The following KIF17 variants were observed in gnomAD, a reference collection of about 807,000 sequenced individuals.
KIF17 encodes the protein kinesin family member 17, also known as kinesin-like protein KIF17.
KIF17 carries 80 observed loss-of-function variants against 96.8 expected under a neutral mutation model. The ratio of observed to expected loss-of-function variants is 0.83; its 90% confidence interval spans 0.69 to 1.00. The LOEUF (loss-of-function observed/expected upper bound fraction) is 1.00, where lower values mean the gene tolerates loss of function less well. Ranked by LOEUF, KIF17 falls within the 50% of genes least tolerant of loss-of-function variation. The pLI is 0.00. For synonymous variants in KIF17, 567 were observed against 587.5 expected (o/e 0.97, Z 0.51); for missense variants, 1,280 against 1,372.9 (o/e 0.93, Z 1.07).
intron 13 of KIF17, among the ~76,000 whole-genome samples, chr1:20,668,920 G>A (rs754529618): frequency 4.6e-5 from 7 of 152,030 alleles, no homozygotes; most frequent in Non-Finnish European, 1.0e-4. Flanking sequence ...CCCTTGTTTT[G>A]AACAAAACTC....
chr1:20,691,454 G>A (rs1048503033), intron 6 of KIF17, among the ~76,000 whole-genome samples: 5 of 150,434 alleles, frequency 3.3e-5, no homozygotes, highest in African/African-American at 1.2e-4. Context: ...GCCTCTCAGT[G>A]CTTCTTTTTT....
intron 11 of KIF17, among the ~76,000 whole-genome samples, chr1:20,673,533 A>ATTTTTT (rs35306944): frequency 3.7e-5 from 5 of 134,786 alleles, no homozygotes; most frequent in East Asian, 2.3e-4. Context: ...AGCCTGCTCC[A>ATTTTTT]TTTTTTTTTT....
At chr1:20,701,680 T>C (rs1557600013) in intron 5 of KIF17, among the ~76,000 whole-genome samples, 1 of 151,976 alleles carries the variant, frequency 6.6e-6, no homozygotes, top group South Asian at 2.1e-4. Flanking sequence ...GCAGAGGGCA[T>C]GTAGGAAGCA....
intron 4 of KIF17, among the ~76,000 whole-genome samples, chr1:20,708,596 T>A (rs2054383179): frequency 6.6e-6 from 1 of 152,172 alleles, no homozygotes; most frequent in Non-Finnish European, 1.5e-5. Flanking sequence ...GCAGCATTCA[T>A]GGGAAAACCC....
Position 20,700,714 on chromosome 1 carries a change from A to G in KIF17, c.1124-2226T>C, listed in dbSNP as rs983879772. 6.6e-6 allele frequency among the ~76,000 whole-genome samples: 1 copy of G among 152,188 alleles called. No individual in the cohort carries two copies. The highest frequency in any genetic ancestry group is 2.4e-5 in the African/African-American group (1 of 41,436). On this transcript the variant is annotated intron_variant, in intron 5 of 14. Coordinates refer to ENST00000400463, the MANE Select transcript of KIF17 (RefSeq NM_001122819.3). The surrounding 1 kb of genome is among the most constrained non-coding windows in gnomAD (Gnocchi z 4.6). ...GTTAGACTGCCCTTCAGGGCGAGCG[A>G]ATTCCTAGAAACCGTAAACCACGAG...
chr1:20,677,146 AG>A (rs1484097414), intron 11 of KIF17, among the ~76,000 whole-genome samples: 4 of 152,078 alleles, frequency 2.6e-5, no homozygotes, highest in Admixed American at 6.5e-5. Flanking sequence ...AGGAGGTTGA[AG>A]TTGCAGTGAG....
chr1:20,672,320 C>A lies in KIF17; in HGVS notation c.2464-124G>T. ...TCTGTTCATTGGCCTGATCAGCCAT[C>A]CATTCTCATCCCCACCATCCATCCA... On this transcript the variant is annotated intron_variant, in intron 11 of 14. Transcript: ENST00000400463. The surrounding 1 kb of genome is among the most constrained non-coding windows in gnomAD (Gnocchi z 4.3). The A allele has an allele frequency of 1.7e-6, 2 of 1,196,250 alleles. No individual in the cohort carries two copies. The highest frequency in any genetic ancestry group is 5.1e-5 in the East Asian group (2 of 39,312). The allele number at this position is 1,196,250 out of a possible 1,614,324, so 74.1% of individuals were successfully genotyped here. A position where few individuals can be genotyped will look rare whatever the true frequency, so the allele number is the denominator to read the frequency against.
chr1:20,679,780 C>G (rs1256081807), intron 11 of KIF17, among the ~76,000 whole-genome samples: 1 of 152,178 alleles, frequency 6.6e-6, no homozygotes, highest in African/African-American at 2.4e-5. Context: ...TGAGTGTGGA[C>G]AAGGATTCTT....
At chr1:20,695,669 C>T (rs2154536619) in intron 6 of KIF17, among the ~76,000 whole-genome samples, 1 of 152,174 alleles carries the variant, frequency 6.6e-6, no homozygotes, top group Non-Finnish European at 1.5e-5. Flanking sequence ...TTCCCACCCA[C>T]CTGGAGATCT....
Position 20,679,478 on chromosome 1 carries a change from T to A in KIF17, c.2463+3175A>T, listed in dbSNP as rs139864168. Among the ~76,000 whole-genome samples the A allele has an allele frequency of 1.3e-3, 198 of 151,870 alleles. 1 individual carries two copies. Among genetic ancestry groups the A allele is most frequent in the African/African-American group, 4.6e-3 (190 of 41,344 alleles). ...CTGGGCGACAGAGTGAGACCCTATCTCAAAATAAAATGAAAAATAAAAATA... is the reference window on the plus strand; with the variant it reads ...CTGGGCGACAGAGTGAGACCCTATCACAAAATAAAATGAAAAATAAAAATA... On this transcript the variant is annotated intron_variant, in intron 11 of 14. Transcript: ENST00000400463.
At chr1:20,712,823 G>GATA (rs535630989) in intron 3 of KIF17, among the ~76,000 whole-genome samples, 2 of 28,914 alleles carry the variant, frequency 6.9e-5, no homozygotes, top group African/African-American at 2.4e-4. Flanking sequence ...ATATAATATA[G>GATA]ATATTATCTA....
rs768090350 is a variant in KIF17 at position 20,671,971 on chromosome 1, G to A, written c.2689C>T (p.His897Tyr). The A allele has an allele frequency of 1.9e-6, 3 of 1,613,996 alleles. No homozygotes were observed. The highest frequency in any genetic ancestry group is 2.2e-5 in the East Asian group (1 of 44,884). ...AGGCTGGTTTTTGTGATGACGGGAT[G>A]TGGGATCTTCCAGAAGCCGTTATCT... Reference protein sequence around the residue: ...DEDNGFWKIPHPVITKTSLPV... With the variant: ...DEDNGFWKIPYPVITKTSLPV... Residue 897 changes from histidine to tyrosine, a missense_variant, in exon 12 of 15, where the codon CAT becomes TAT. By Grantham distance (83) the His-to-Tyr change is moderately conservative (BLOSUM62 2). Transcript: ENST00000400463.
rs71585778 is a variant in KIF17 at position 20,669,537 on chromosome 1, AAATAATAATAAT to A, written c.2790+872_2790+883del. Among the ~76,000 whole-genome samples the A allele has an allele frequency of 5.8e-5, 7 of 121,122 alleles. No homozygotes were observed. The South Asian group carries it at 8.0e-4, about 14-fold the overall frequency. 79.5% of individuals were successfully genotyped at this position (121,122 alleles called of 152,430 possible). On this transcript the variant is annotated intron_variant, in intron 13 of 14. Transcript: ENST00000400463. ...GGCGACAGAGCGAGACTCTGTCTCG[AAATAATAATAAT>A]AATAATAATAATAATAAATAAAATA...
Position 20,690,337 on chromosome 1 carries a change from T to TG in KIF17, c.1234-3dup, listed in dbSNP as rs553263913. ...CCGGGCCAGGCGCTCTTCATACTCC[T>TG]GGGGGGGTGGGAGGGACCAGAGGGC... On this transcript the variant is annotated splice_polypyrimidine_tract_variant and splice_region_variant and intron_variant, in intron 6 of 14. Coordinates refer to ENST00000400463, the MANE Select transcript of KIF17 (RefSeq NM_001122819.3). 0.023 allele frequency: 3,809 copies of TG among 163,092 alleles called. 12 individuals carry two copies. Among genetic ancestry groups the TG allele is most frequent in the Non-Finnish European group, 0.036 (3,286 of 90,266 alleles). 10.1% of individuals were successfully genotyped at this position (163,092 alleles called of 1,614,324 possible).
chr1:20,690,352 G>GGGGGT lies in KIF17; in HGVS notation c.1234-18_1234-17insACCCC. Reference sequence around the variant, plus strand: ...TTCATACTCCTGGGGGGGTGGGAGGGACCAGAGGGCAGGCAGCATTTTATC... The same window carrying GGGGGT: ...TTCATACTCCTGGGGGGGTGGGAGGGGGGGTACCAGAGGGCAGGCAGCATTTTATC... On this transcript the variant is annotated splice_polypyrimidine_tract_variant and intron_variant, in intron 6 of 14. Transcript: ENST00000400463. 1 of 451,174 alleles carries GGGGGT rather than the reference G, an allele frequency of 2.2e-6. No homozygotes were observed. Among genetic ancestry groups the GGGGGT allele is most frequent in the Non-Finnish European group, 4.3e-6 (1 of 235,152 alleles). 27.9% of individuals were successfully genotyped at this position (451,174 alleles called of 1,614,324 possible). A position where few individuals can be genotyped will look rare whatever the true frequency, so the allele number is the denominator to read the frequency against.
intron 6 of KIF17, among the ~76,000 whole-genome samples, chr1:20,694,390 G>A (rs528530625): frequency 6.6e-6 from 1 of 152,318 alleles, no homozygotes; most frequent in African/African-American, 2.4e-5. Context: ...CCAGTAAATG[G>A]CAGAGCAGAA....
rs1314175165 is a variant in KIF17, at chr1:20,704,395, A to G, written c.1123+52T>C. ...GGAGGCGAGAAGACAGAGGGAAGGAAGCTTTCTCCTGGGGACCTGGCCCTC... is the reference window on the plus strand; with the variant it reads ...GGAGGCGAGAAGACAGAGGGAAGGAGGCTTTCTCCTGGGGACCTGGCCCTC... On this transcript the variant is annotated intron_variant, in intron 5 of 14. Coordinates refer to ENST00000400463, the MANE Select transcript of KIF17 (RefSeq NM_001122819.3). This position sits in a 1 kb window ranked among gnomAD's most constrained non-coding sequence, Gnocchi z 6.8. The G allele has an allele frequency of 2.3e-5, 34 of 1,451,312 alleles. No individual in the cohort carries two copies. The highest frequency in any genetic ancestry group is 3.2e-5 in the Non-Finnish European group (34 of 1,047,424). 89.9% of individuals were successfully genotyped at this position (1,451,312 alleles called of 1,614,324 possible).
intron 10 of KIF17, among the ~76,000 whole-genome samples, chr1:20,683,402 C>G (rs2053868218): frequency 6.6e-6 from 1 of 152,178 alleles, no homozygotes; most frequent in South Asian, 2.1e-4. Context: ...CGCCTGTAAT[C>G]CCAGCACTTT....
downstream of KIF17, among the ~76,000 whole-genome samples, chr1:20,663,388 C>G (rs960661372): frequency 2.0e-5 from 3 of 152,128 alleles, no homozygotes; most frequent in Non-Finnish European, 4.4e-5. Context: ...GCTTGTGGGG[C>G]CTGCCATAGA....
Sources: gnomAD v4.1 joint callset for allele counts (sites outside exome capture counted in the v4.1 genomes callset) on GRCh38, gnomAD v4.1.1 for gene constraint, Gnocchi (gnomAD v3.1) non-coding constraint, MANE v1.5 for transcripts, NCBI Gene and HGNC (gene_info 2026-07-23, HGNC 2026-07-21) for gene names.